The following GRM7 variants were observed in gnomAD, a reference collection of about 807,000 sequenced individuals.
The protein encoded by GRM7 is metabotropic glutamate receptor 7.
In GRM7, 35 loss-of-function variants were observed where a neutral mutation model predicts 84.5. That is an observed-to-expected ratio of 0.41 (90% CI 0.32 to 0.55). GRM7 has a LOEUF of 0.55. Among genes scored for constraint, GRM7 ranks in the 20% least tolerant of loss-of-function variants. The pLI is 0.19. For synonymous variants in GRM7, 487 were observed against 455.1 expected, an observed-to-expected ratio of 1.07 and a Z score of -0.89; for missense variants, 1,003 against 1,194.6, an observed-to-expected ratio of 0.84 and a Z score of 2.36.
chr3:6,925,765 A>T (rs1040847585), intron 1 of GRM7, among the ~76,000 whole-genome samples: 1 of 152,130 alleles, frequency 6.6e-6, no homozygotes, highest in Non-Finnish European at 1.5e-5. Flanking sequence ...GAAGCATCTT[A>T]CCCATTGATC....
intron 1 of GRM7, among the ~76,000 whole-genome samples, chr3:7,116,402 A>G (rs1693034637): frequency 6.6e-6 from 1 of 152,202 alleles, no homozygotes; most frequent in Non-Finnish European, 1.5e-5. Flanking sequence ...TTATGCCCAC[A>G]GATGAGGAAA....
intron 2 of GRM7, among the ~76,000 whole-genome samples, chr3:7,201,737 A>G (rs1696075221): frequency 6.6e-6 from 1 of 151,794 alleles, no homozygotes; most frequent in Admixed American, 6.5e-5. Flanking sequence ...CCAAGACCAC[A>G]TAGCTAGTTA....
At chr3:7,446,566 A>G (rs1302217860) in intron 5 of GRM7, among the ~76,000 whole-genome samples, 2 of 150,544 alleles carry the variant, frequency 1.3e-5, no homozygotes, top group Non-Finnish European at 3.0e-5. Context: ...GTTCAAGGCA[A>G]TTCTCCTGTC....
chr3:7,180,431 A>G (rs1695297652), intron 2 of GRM7, among the ~76,000 whole-genome samples: 1 of 152,194 alleles, frequency 6.6e-6, no homozygotes, highest in Non-Finnish European at 1.5e-5. Flanking sequence ...GACCCGCAGT[A>G]TTAGACTGGC....
In GRM7 at chr3:7,437,067, G is replaced by A. The variant is rs375860536; in HGVS notation, c.1175-15540G>A. Among the ~76,000 whole-genome samples, 8 of 152,172 alleles carry A rather than the reference G, an allele frequency of 5.3e-5. No homozygotes were observed. The East Asian group carries it at 9.7e-4, about 18-fold the overall frequency. Reference sequence around the variant, plus strand: ...TATTTCCTTTCACACCAACCCTGTAGCATGACTTTTATTATTCATTTTTGT... The same window carrying A: ...TATTTCCTTTCACACCAACCCTGTAACATGACTTTTATTATTCATTTTTGT... On this transcript the variant is annotated intron_variant, in intron 5 of 9. Coordinates refer to ENST00000357716, the MANE Select transcript of GRM7 (RefSeq NM_000844.4).
chr3:6,910,168 T>C (rs1696717526), intron 1 of GRM7, among the ~76,000 whole-genome samples: 1 of 152,048 alleles, frequency 6.6e-6, no homozygotes, highest in African/African-American at 2.4e-5. Flanking sequence ...ATAGGGTAAA[T>C]GGACAATGAG....
At chr3:7,181,641 C>G (rs1261247104) in intron 2 of GRM7, among the ~76,000 whole-genome samples, 1 of 152,040 alleles carries the variant, frequency 6.6e-6, no homozygotes. Flanking sequence ...CAGAGTCTTG[C>G]TCTGTCACCC....
intron 8 of GRM7, among the ~76,000 whole-genome samples, chr3:7,659,741 G>A (rs1699352686): frequency 6.6e-6 from 1 of 152,180 alleles, no homozygotes; most frequent in Non-Finnish European, 1.5e-5. Context: ...AGGTCTCACT[G>A]AGATAGGAAG....
intron 1 of GRM7, among the ~76,000 whole-genome samples, chr3:7,011,354 G>T (rs993150412): frequency 9.9e-5 from 15 of 152,078 alleles, no homozygotes; most frequent in African/African-American, 3.6e-4. Flanking sequence ...TTAGTGAATT[G>T]GTAAATCTCT....
chr3:7,298,917 A>T, intron 3 of GRM7, 92 bp downstream of exon 3: 1 of 1,153,640 alleles, frequency 8.7e-7, no homozygotes, highest in Non-Finnish European at 1.3e-6. Context: ...AAAAGATAGC[A>T]TAAGATCAAA....
chr3:7,489,704 A>G (rs182599014), intron 7 of GRM7, among the ~76,000 whole-genome samples: 30 of 152,230 alleles, frequency 2.0e-4, no homozygotes, highest in Admixed American at 1.3e-3. Flanking sequence ...TTATACATTG[A>G]TTAATTTATT....
intron 7 of GRM7, among the ~76,000 whole-genome samples, chr3:7,505,048 C>G (rs1373385767): frequency 6.6e-6 from 1 of 152,038 alleles, no homozygotes; most frequent in African/African-American, 2.4e-5. Flanking sequence ...GGGACAGACA[C>G]AAGATAAACA....
intron 4 of GRM7, among the ~76,000 whole-genome samples, chr3:7,344,736 G>A (rs528945459): frequency 6.6e-6 from 1 of 152,258 alleles, no homozygotes; most frequent in South Asian, 2.1e-4. Context: ...TTTCACTGAA[G>A]GGAGTAGAAT....
At chr3:6,926,678 T>C (rs1164908936) in intron 1 of GRM7, among the ~76,000 whole-genome samples, 1 of 143,032 alleles carries the variant, frequency 7.0e-6, no homozygotes, top group Non-Finnish European at 1.5e-5. Flanking sequence ...TAGCTTGGCC[T>C]GTTTCTTGCA....
intron 4 of GRM7, among the ~76,000 whole-genome samples, chr3:7,379,965 T>C (rs1349904701): frequency 2.6e-5 from 4 of 152,214 alleles, no homozygotes; most frequent in Non-Finnish European, 5.9e-5. Flanking sequence ...TCTTACTACC[T>C]TTATTTTCCT....
chr3:7,097,055 C>T (rs1400928380), intron 1 of GRM7, among the ~76,000 whole-genome samples: 1 of 151,942 alleles, frequency 6.6e-6, no homozygotes, highest in African/African-American at 2.4e-5. Context: ...GGATACAATC[C>T]GAGTCTGGGG....
At chr3:7,641,940 G>A (rs1295082582) in intron 8 of GRM7, among the ~76,000 whole-genome samples, 2 of 73,756 alleles carry the variant, frequency 2.7e-5, no homozygotes, top group African/African-American at 1.3e-4. Context: ...ATCAAGATGG[G>A]GAAAACCGTC....
At chr3:7,101,695 A>G (rs1274581470) in intron 1 of GRM7, among the ~76,000 whole-genome samples, 1 of 150,014 alleles carries the variant, frequency 6.7e-6, no homozygotes, top group African/African-American at 2.4e-5. Flanking sequence ...ATGGCCTTTG[A>G]CTAAATTGTT....
At chr3:7,433,249 G>A (rs1315230935) in intron 5 of GRM7, among the ~76,000 whole-genome samples, 1 of 152,146 alleles carries the variant, frequency 6.6e-6, no homozygotes, top group Non-Finnish European at 1.5e-5. Context: ...AGAGATCAAA[G>A]GTGCACCCAT....
Sources: allele counts gnomAD v4.1 joint callset (sites outside exome capture counted in the v4.1 genomes callset), GRCh38; gene constraint gnomAD v4.1.1; transcripts MANE v1.5; gene names NCBI Gene and HGNC (gene_info 2026-07-23, HGNC 2026-07-21).